The following CORO2B variants were observed in gnomAD, a reference collection of about 807,000 sequenced individuals.
CORO2B encodes the protein coronin 2B, also known as coronin-2B.
In CORO2B, 26 loss-of-function variants were observed where a neutral mutation model predicts 58.8. The observed-to-expected ratio is 0.44, with a 90% CI of 0.32 to 0.61. CORO2B has a LOEUF of 0.61. Ranked by LOEUF, CORO2B falls within the 20% of genes least tolerant of loss-of-function variation. The pLI, the probability that CORO2B is intolerant of heterozygous loss-of-function variation, is 0.04. For missense variants in CORO2B, 460 were observed against 645.1 expected, an observed-to-expected ratio of 0.71 and a Z score of 3.11; for synonymous variants, 242 against 253.8, an observed-to-expected ratio of 0.95 and a Z score of 0.44.
At chr15:68,553,015 A>G in the CORO2B span, among the ~76,000 whole-genome samples, 2 of 152,208 alleles carry the variant, frequency 1.3e-5, no homozygotes, top group Admixed American at 6.5e-5. Context: ...TATTCCAGGC[A>G]CCACGCCAGG....
At chr15:68,550,368 T>G in the CORO2B span, among the ~76,000 whole-genome samples, 1 of 152,130 alleles carries the variant, frequency 6.6e-6, no homozygotes, top group African/African-American at 2.4e-5. Flanking sequence ...CAGGACCCCT[T>G]CTGAAAGCCA....
intron 1 of CORO2B, among the ~76,000 whole-genome samples, chr15:68,604,588 C>A (rs1449527238): frequency 6.6e-6 from 1 of 151,248 alleles, no homozygotes; most frequent in African/African-American, 2.4e-5. Context: ...TCTGGAAAGG[C>A]TGGAGTCCTC....
intron 2 of CORO2B, among the ~76,000 whole-genome samples, chr15:68,692,043 T>A (rs896500270): frequency 6.6e-6 from 1 of 152,190 alleles, no homozygotes; most frequent in African/African-American, 2.4e-5. Context: ...TGTCTGCCCA[T>A]GAAAAGTCTG....
the CORO2B span, chr15:68,559,719 C>T: frequency 4.9e-5 from 42 of 852,736 alleles, no homozygotes; most frequent in African/African-American, 7.5e-4. The surrounding 1 kb of genome is among the most constrained non-coding windows in gnomAD (Gnocchi z 4.3). Context: ...CCCAGGGGGA[C>T]TGTCGGTGAG....
chr15:68,561,306 A>G, the CORO2B span, among the ~76,000 whole-genome samples: 1 of 152,098 alleles, frequency 6.6e-6, no homozygotes, highest in Non-Finnish European at 1.5e-5. Flanking sequence ...GGTGATGCCC[A>G]TCTGCCATTT....
chr15:68,681,556 C>A (rs1205190364), intron 2 of CORO2B, among the ~76,000 whole-genome samples: 7 of 152,058 alleles, frequency 4.6e-5, no homozygotes, highest in Admixed American at 4.6e-4. Context: ...TTCATAGGAC[C>A]TGAGACATCA....
chr15:68,531,555 G>GAAAGAAAGA, the CORO2B span, among the ~76,000 whole-genome samples: 4,415 of 77,136 alleles, frequency 0.057, 99 homozygotes, highest in Middle Eastern at 0.12. Flanking sequence ...AAGGAAGGAA[G>GAAAGAAAGA]GAAAGAAAGA....
At chr15:68,675,133 A>C (rs1902532966) in intron 2 of CORO2B, among the ~76,000 whole-genome samples, 1 of 152,192 alleles carries the variant, frequency 6.6e-6, no homozygotes. Flanking sequence ...TGAAATTGGG[A>C]AATAGAGCAG....
intron 2 of CORO2B, among the ~76,000 whole-genome samples, chr15:68,650,242 C>T (rs1032903244): frequency 1.3e-5 from 2 of 151,932 alleles, no homozygotes; most frequent in African/African-American, 4.8e-5. Context: ...ATGGCAGGTG[C>T]CTGTAATCCC....
the CORO2B span, among the ~76,000 whole-genome samples, chr15:68,573,675 C>T: frequency 6.6e-6 from 1 of 152,130 alleles, no homozygotes; most frequent in Non-Finnish European, 1.5e-5. Flanking sequence ...GACCCACATA[C>T]AGAGAAGGAG....
intron 11 of CORO2B, among the ~76,000 whole-genome samples, chr15:68,724,269 G>A (rs924900594): frequency 6.6e-6 from 1 of 152,214 alleles, no homozygotes; most frequent in African/African-American, 2.4e-5. Context: ...TTTGATGCAG[G>A]ACCAGGACCT....
chr15:68,555,288 C>A, the CORO2B span, among the ~76,000 whole-genome samples: 1 of 152,230 alleles, frequency 6.6e-6, no homozygotes, highest in Non-Finnish European at 1.5e-5. Context: ...AACCCTCACT[C>A]CCTTCCTCCA....
chr15:68,528,432 T>C, the CORO2B span, among the ~76,000 whole-genome samples: 1 of 152,194 alleles, frequency 6.6e-6, no homozygotes, highest in Non-Finnish European at 1.5e-5. Context: ...ATTAATGTGG[T>C]GAATTACAAT....
intron 3 of CORO2B, among the ~76,000 whole-genome samples, chr15:68,700,722 G>A (rs1356248097): frequency 1.3e-5 from 2 of 152,224 alleles, no homozygotes; most frequent in Non-Finnish European, 2.9e-5. Flanking sequence ...GCTAGGGAGG[G>A]CGGCTGGCAG....
At chr15:68,619,080 T>A (rs1900444400) in intron 1 of CORO2B, among the ~76,000 whole-genome samples, 1 of 152,164 alleles carries the variant, frequency 6.6e-6, no homozygotes, top group Non-Finnish European at 1.5e-5. Context: ...TACATCATAT[T>A]TATCTTTGGG....
At chr15:68,563,192 TTAGAG>T in the CORO2B span, among the ~76,000 whole-genome samples, 1,117 of 149,844 alleles carry the variant, frequency 7.5e-3, 14 homozygotes, top group African/African-American at 0.025. Flanking sequence ...ATAATAAAGA[TTAGAG>T]TAGAGACTGG....
Position 68,662,393 on chromosome 15 carries a change from G to A in CORO2B, c.216+17033G>A, listed in dbSNP as rs1464910755. 4.6e-5 allele frequency among the ~76,000 whole-genome samples: 7 copies of A among 152,298 alleles called. No individual in the cohort carries two copies. In the South Asian group the frequency reaches 1.2e-3, roughly 27 times the overall value. ...AAAGTGCAGGGTTTTCATGCCTGCT[G>A]GCATAACTCAGGAATAACTTCATGA... is the stretch of plus-strand genomic sequence containing the variant. On this transcript the variant is annotated intron_variant, in intron 2 of 11. Transcript: ENST00000261861.
intron 2 of CORO2B, among the ~76,000 whole-genome samples, chr15:68,664,702 A>AT (rs1567000489): frequency 6.6e-6 from 1 of 152,182 alleles, no homozygotes; most frequent in African/African-American, 2.4e-5. Flanking sequence ...ATATGTTTTA[A>AT]TTTTTTGCCA....
chr15:68,653,742 G>A (rs1901714342), intron 2 of CORO2B, among the ~76,000 whole-genome samples: 1 of 138,466 alleles, frequency 7.2e-6, no homozygotes, highest in African/African-American at 2.6e-5. Flanking sequence ...ACTGAGGACT[G>A]TAATAAAATA....
Sources: allele counts gnomAD v4.1 joint callset (sites outside exome capture counted in the v4.1 genomes callset), GRCh38; gene constraint gnomAD v4.1.1; non-coding constraint Gnocchi (gnomAD v3.1); transcripts MANE v1.5; gene names NCBI Gene and HGNC (gene_info 2026-07-23, HGNC 2026-07-21).